Variants in PDK4 observed in about 807,000 individuals in gnomAD.
PDK4 encodes the protein pyruvate dehydrogenase kinase 4, also known as pyruvate dehydrogenase kinase, isozyme 4.
A neutral mutation model predicts 51.7 loss-of-function variants in PDK4; 43 were observed. The ratio of observed to expected loss-of-function variants is 0.83; its 90% CI spans 0.65 to 1.07. The LOEUF (loss-of-function observed/expected upper bound fraction) is 1.07. PDK4 is among the 50% of genes least tolerant of loss of function. PDK4 has a pLI of 0.00. For synonymous variants in PDK4, 170 were observed against 176.6 expected, an observed-to-expected ratio of 0.96 and a Z score of 0.30; for missense variants, 498 against 503.5, an observed-to-expected ratio of 0.99 and a Z score of 0.10.
At chr7:95,591,720 A>C (rs969380289) in intron 6 of PDK4, among the ~76,000 whole-genome samples, 1 of 152,172 alleles carries the variant, frequency 6.6e-6, no homozygotes, top group Non-Finnish European at 1.5e-5. Flanking sequence ...TCTTTGATCT[A>C]AGATATTGGA....
chr7:95,595,135 A>C lies in PDK4; in HGVS notation c.160T>G (p.Phe54Val), dbSNP rs748812653. 1 of 1,613,134 alleles carries C rather than the reference A, an allele frequency of 6.2e-7. No individual in the cohort carries two copies. Among genetic ancestry groups the C allele is most frequent in the South Asian group, 1.1e-5 (1 of 90,912 alleles). Reference sequence around the variant, plus strand: ...GGCAATTCTTGTCGCAAAAATGCAAAAGAAGTTCTTTCACATGCATTTTCT... The same window carrying C: ...GGCAATTCTTGTCGCAAAAATGCAACAGAAGTTCTTTCACATGCATTTTCT... The part of the protein sequence containing the change: ...GSENACERTS[F>V]AFLRQELPVR... The change falls in exon 2 of 11, where the codon TTT becomes GTT. Residue 54 changes from phenylalanine to valine, a missense_variant. Transcript: ENST00000005178.
Position 95,589,662 on chromosome 7 carries a change from T to A in PDK4, c.749A>T (p.His250Leu), listed in dbSNP as rs1401252368. The A allele has an allele frequency of 6.3e-7, 1 of 1,576,088 alleles. No individual in the cohort carries two copies. The highest frequency in any genetic ancestry group is 8.7e-7 in the Non-Finnish European group (1 of 1,146,166). Reference protein sequence around the residue: ...HIVYVPSHLHHMLFELFKNAM... With the variant: ...HIVYVPSHLHLMLFELFKNAM... ...TACCTTAAATAGTTCAAAGAGCATA[T>A]GATGGAGGTGAGAAGGAACATACAC... Residue 250 changes from histidine (H) to leucine (L), a missense_variant, in exon 7 of 11, where the codon CAT (histidine) becomes CTT (leucine). Coordinates refer to ENST00000005178, the MANE Select transcript of PDK4 (RefSeq NM_002612.4).
chr7:95,593,633 A>T lies in PDK4; in HGVS notation c.344+66T>A. 3.8e-6 allele frequency: 3 copies of T among 789,892 alleles called. 1 individual carries two copies. The highest frequency in any genetic ancestry group is 2.9e-5 in the South Asian group (2 of 69,456). The allele number at this position is 789,892 out of a possible 1,614,324, so 48.9% of individuals were successfully genotyped here. A position where few individuals can be genotyped will look rare whatever the true frequency, so the allele number is the denominator to read the frequency against. On this transcript the variant is annotated intron_variant, in intron 3 of 10. Coordinates refer to ENST00000005178, the MANE Select transcript of PDK4 (RefSeq NM_002612.4). ...GAATTCCTTTAATTTAGGTCTAAAA[A>T]TATCTTAGGAATCTATCTGGAAAGA...
At position 95,596,416 on chromosome 7, in the gene PDK4, G is replaced by T. The variant is rs1791623577; in HGVS notation, c.-123C>A. On this transcript the variant is annotated 5_prime_UTR_variant, in exon 1 of 11. Transcript: ENST00000005178. The stretch of plus-strand genomic sequence containing the variant: ...GCGAGGACTGCAGGTGCGCTGGCTG[G>T]CTTGTGCGCCCCGGCCTGGGCTGGG... 2 of 1,144,356 alleles carry T rather than the reference G, an allele frequency of 1.7e-6. No individual in the cohort carries two copies. The highest frequency in any genetic ancestry group is 1.7e-5 in the African/African-American group (1 of 60,490). The allele number at this position is 1,144,356 out of a possible 1,614,324, so 70.9% of individuals were successfully genotyped here. A position where few individuals can be genotyped will look rare whatever the true frequency, so the allele number is the denominator to read the frequency against.
At chr7:95,591,777 CTTT>C (rs982948142) in intron 6 of PDK4, among the ~76,000 whole-genome samples, 2 of 152,124 alleles carry the variant, frequency 1.3e-5, no homozygotes, top group African/African-American at 4.8e-5. Context: ...AAACATTCTT[CTTT>C]ATGAATCCTC....
chr7:95,592,388 AT>A (rs1791561989), intron 5 of PDK4, 122 bp downstream of exon 5: 1 of 691,268 alleles, frequency 1.4e-6, no homozygotes, highest in Non-Finnish European at 2.6e-6. Context: ...TGAAGATAAC[AT>A]TTATAAAATA....
At chr7:95,595,946 C>T (rs907708214) in intron 1 of PDK4, among the ~76,000 whole-genome samples, 7 of 152,158 alleles carry the variant, frequency 4.6e-5, no homozygotes, top group Admixed American at 2.6e-4. Context: ...CATCCAGCGT[C>T]GGCAGGCTTG....
Position 95,595,014 on chromosome 7 carries a change from A to G in PDK4, c.272+9T>C, listed in dbSNP as rs202113705. The stretch of plus-strand genomic sequence containing the variant: ...AAAACTAGAGACTTCAATATGGTTC[A>G]CCACTTACCAGCTTTTAACCAATTG... On this transcript the variant is annotated intron_variant, in intron 2 of 10. Coordinates refer to ENST00000005178, the MANE Select transcript of PDK4 (RefSeq NM_002612.4). 3.9e-5 allele frequency: 62 copies of G among 1,601,340 alleles called. 1 individual carries two copies. Among genetic ancestry groups the G allele is most frequent in the Non-Finnish European group, 5.1e-5 (60 of 1,171,434 alleles).
rs1193704326 is a variant in PDK4, at chr7:95,583,522, A to C, written c.*2119T>G. ...TCTTTTATCATCATAAAAAATATTT[A>C]TTATAAAAAATTATCACATTTCTCT... On this transcript the variant is annotated 3_prime_UTR_variant, in exon 11 of 11. Transcript: ENST00000005178. 1.3e-5 allele frequency: 2 copies of C among 152,184 alleles called. No individual in the cohort carries two copies. The highest frequency in any genetic ancestry group is 2.9e-5 in the Non-Finnish European group (2 of 68,014). 9.4% of individuals were successfully genotyped at this position (152,184 alleles called of 1,614,324 possible).
intron 5 of PDK4, 85 bp downstream of exon 5, chr7:95,592,426 C>T: frequency 1.6e-5 from 13 of 802,216 alleles, no homozygotes; most frequent in Non-Finnish European, 2.4e-5. Context: ...AATATAAATT[C>T]ATTCACAGAG....
At chr7:95,593,654 A>G (rs1401308276) in intron 3 of PDK4, 45 bp downstream of exon 3, 3 of 918,976 alleles carry the variant, frequency 3.3e-6, no homozygotes, top group South Asian at 2.7e-5. Flanking sequence ...ATCTATCTGG[A>G]AAGAACCAAA....
chr7:95,592,624 A>G, intron 4 of PDK4, 27 bp from the exon 5 acceptor site: 2 of 1,496,700 alleles, frequency 1.3e-6, no homozygotes, highest in Non-Finnish European at 9.3e-7. Context: ...ACAAAAAAAA[A>G]TTGTTATAAA....
intron 1 of PDK4, 147 bp downstream of exon 1, chr7:95,596,017 G>A: frequency 4.8e-6 from 4 of 836,822 alleles, no homozygotes; most frequent in Middle Eastern, 4.7e-4. Context: ...GAAAAGGAAA[G>A]GTGTGCTGGC....
intron 10 of PDK4, 114 bp from the exon 11 acceptor site, chr7:95,585,895 C>A: frequency 1.2e-6 from 1 of 864,024 alleles, no homozygotes; most frequent in Non-Finnish European, 1.8e-6. Flanking sequence ...CATTCAAATA[C>A]ATTCATTTAA....
intron 4 of PDK4, 35 bp downstream of exon 4, chr7:95,592,725 T>C: frequency 6.5e-7 from 1 of 1,545,404 alleles, no homozygotes; most frequent in Non-Finnish European, 8.9e-7. Flanking sequence ...TCTACACCCA[T>C]GTCTATATAC....
rs923097553 is a variant in PDK4, at chr7:95,583,768, G to A, written c.*1873C>T. The A allele has an allele frequency of 1.3e-5, 2 of 152,466 alleles. No homozygotes were observed. Among genetic ancestry groups the A allele is most frequent in the Non-Finnish European group, 2.9e-5 (2 of 68,016 alleles). The allele number at this position is 152,466 out of a possible 1,614,324, so 9.4% of individuals were successfully genotyped here. A position where few individuals can be genotyped will look rare whatever the true frequency, so the allele number is the denominator to read the frequency against. On this transcript the variant is annotated 3_prime_UTR_variant, in exon 11 of 11. Coordinates refer to ENST00000005178, the MANE Select transcript of PDK4 (RefSeq NM_002612.4). ...TTTAGAGATAGTTCACAGTATTTGA[G>A]TTAATTAATTAATCAACTGATTTAA...
In PDK4 at chr7:95,584,431, C is replaced by CA. The variant is rs948071294; in HGVS notation, c.*1209dup. 9.9e-5 allele frequency: 15 copies of CA among 152,008 alleles called. No homozygotes were observed. The highest frequency in any genetic ancestry group is 1.9e-4 in the African/African-American group (8 of 41,358). The allele number at this position is 152,008 out of a possible 1,614,324, so 9.4% of individuals were successfully genotyped here. A position where few individuals can be genotyped will look rare whatever the true frequency, so the allele number is the denominator to read the frequency against. On this transcript the variant is annotated 3_prime_UTR_variant, in exon 11 of 11. Coordinates refer to ENST00000005178, the MANE Select transcript of PDK4 (RefSeq NM_002612.4). ...CCTTCAAATTATACCTTAACTCTCC[C>CA]AAAAATACCATATGCATTTCAGGTG...
chr7:95,594,984 G>A (rs751987382), intron 2 of PDK4, 39 bp downstream of exon 2: 5 of 1,503,654 alleles, frequency 3.3e-6, no homozygotes, highest in Non-Finnish European at 4.6e-6. Context: ...CCGGGTAACT[G>A]TTTCAAAACT....
chr7:95,589,517 CT>C, intron 7 of PDK4, 122 bp downstream of exon 7: 1 of 582,494 alleles, frequency 1.7e-6, no homozygotes, highest in Non-Finnish European at 3.1e-6. Context: ...CTTAGGAGGA[CT>C]AGAAGCATTC....
Sources: gnomAD v4.1 joint callset for allele counts (sites outside exome capture counted in the v4.1 genomes callset) on GRCh38, gnomAD v4.1.1 for gene constraint, MANE v1.5 for transcripts, NCBI Gene and HGNC (gene_info 2026-07-23, HGNC 2026-07-21) for gene names.